Variants in MAT2A observed in about 807,000 individuals in gnomAD.
MAT2A encodes the protein methionine adenosyltransferase 2A.
Under a neutral mutation model 43.9 loss-of-function variants are expected in MAT2A, and 3 were observed. The ratio of observed to expected loss-of-function variants is 0.07; its 90% CI spans 0.03 to 0.18. The LOEUF (loss-of-function observed/expected upper bound fraction) is 0.18. MAT2A is among the 10% of genes least tolerant of loss of function. The probability of loss-of-function intolerance (pLI) is 1.00; values close to 1 mark genes in which losing one functional copy is unlikely to be tolerated. For missense variants in MAT2A, 204 were observed against 489.0 expected, an observed-to-expected ratio of 0.42 and a Z score of 5.50; for synonymous variants, 200 against 168.4, an observed-to-expected ratio of 1.19 and a Z score of -1.45.
rs1375245079 is a variant in MAT2A at position 85,539,308 on chromosome 2, C to T, written c.21C>T (p.Gly7=). Residue 7 remains glycine (G), a synonymous_variant, in exon 1 of 9, where the codon GGC becomes GGT. Coordinates refer to ENST00000306434, the MANE Select transcript of MAT2A (RefSeq NM_005911.6). ...CCAACATGAACGGACAGCTCAACGG[C>T]TTCCACGAGGCGTTCATCGAGGAGG... MNGQLN[G]FHEAFIEEGT... is the part of the protein sequence containing the mutation. The T allele has an allele frequency of 1.9e-6, 3 of 1,605,816 alleles. No individual in the cohort carries two copies. Among genetic ancestry groups the T allele is most frequent in the Admixed American group, 1.7e-5 (1 of 59,212 alleles).
In MAT2A at chr2:85,539,357, T is replaced by C; in HGVS notation, c.70T>C (p.Ser24Pro). Residue 24 changes from serine to proline, a missense_variant, in exon 1 of 9, where the codon TCG (serine) becomes CCG (proline). Transcript: ENST00000306434. Reference sequence around the variant, plus strand: ...GGGCACATTCCTTTTCACCTCAGAGTCGGTCGGGGAAGGCCACCCAGGTGA... The same window carrying C: ...GGGCACATTCCTTTTCACCTCAGAGCCGGTCGGGGAAGGCCACCCAGGTGA... The part of the protein sequence containing the change: ...EEGTFLFTSE[S>P]VGEGHPDKIC... The C allele has an allele frequency of 6.2e-7, 1 of 1,602,196 alleles. No individual in the cohort carries two copies.
At chr2:85,541,221 A>G (rs1335522611) in intron 2 of MAT2A, 34 bp from the exon 3 acceptor site, 1 of 1,613,078 alleles carries the variant, frequency 6.2e-7, no homozygotes, top group South Asian at 1.1e-5. Context: ...TTTTTATAGA[A>G]GTGATGTTTG....
Position 85,541,948 on chromosome 2 carries a change from G to GT in MAT2A, c.527dup (p.Leu176PhefsTer4). ...TACGCCGTAATGGCACTTTGCCTTGGTTACGCCCTGATTCTAAAACTCAAG... is the reference window on the plus strand; with the variant it reads ...TACGCCGTAATGGCACTTTGCCTTGGTTTACGCCCTGATTCTAAAACTCAAG... On this transcript the variant is annotated frameshift_variant, in exon 5 of 9. Transcript: ENST00000306434. LOFTEE classifies it high-confidence loss of function. The GT allele has an allele frequency of 6.2e-7, 1 of 1,614,060 alleles. No individual in the cohort carries two copies. Among genetic ancestry groups the GT allele is most frequent in the Non-Finnish European group, 8.5e-7 (1 of 1,179,910 alleles).
chr2:85,542,132 T>A, intron 5 of MAT2A, 23 bp from the exon 6 acceptor site: 2 of 1,601,508 alleles, frequency 1.2e-6, no homozygotes, highest in Non-Finnish European at 1.7e-6. Flanking sequence ...TGTGATGTTC[T>A]GATGACCTGT....
Position 85,539,195 on chromosome 2 carries a change from G to T in MAT2A, c.-93G>T, listed in dbSNP as rs1019819434. On this transcript the variant is annotated 5_prime_UTR_variant, in exon 1 of 9. Coordinates refer to ENST00000306434, the MANE Select transcript of MAT2A (RefSeq NM_005911.6). Reference sequence around the variant, plus strand: ...TCGCTCCGCGCCGCCCGCCTGCTACGAGTAGAACGCTGTCCGCAGCTTGCG... The same window carrying T: ...TCGCTCCGCGCCGCCCGCCTGCTACTAGTAGAACGCTGTCCGCAGCTTGCG... 4 of 902,794 alleles carry T rather than the reference G, an allele frequency of 4.4e-6. No homozygotes were observed. The highest frequency in any genetic ancestry group is 2.9e-5 in the East Asian group (1 of 34,046). 55.9% of individuals were successfully genotyped at this position (902,794 alleles called of 1,614,324 possible).
Position 85,545,237 on chromosome 2 carries a change from A to G in MAT2A, c.*1465A>G, listed in dbSNP as rs1364569447. The G allele has an allele frequency of 6.6e-6, 1 of 152,586 alleles. No homozygotes were observed. The highest frequency in any genetic ancestry group is 1.5e-5 in the Non-Finnish European group (1 of 68,028). 9.5% of individuals were successfully genotyped at this position (152,586 alleles called of 1,614,324 possible). On this transcript the variant is annotated 3_prime_UTR_variant, in exon 9 of 9. Coordinates refer to ENST00000306434, the MANE Select transcript of MAT2A (RefSeq NM_005911.6). ...TACGTATGTCTGGTTCTCAATTCCA[A>G]CAGTTTAATGAAGATCTAAATAAAA...
Position 85,541,843 on chromosome 2 carries a change from C to T in MAT2A, c.420C>T (p.Gly140=), listed in dbSNP as rs771274426. The change falls in exon 5 of 9, where the codon GGC becomes GGT. Residue 140 remains glycine (G), a synonymous_variant. Transcript: ENST00000306434. ...TCTTTCTTTAGGGCTTAATGTTTGG[C>T]TATGCCACTGATGAAACTGAGGAGT... is the stretch of plus-strand genomic sequence containing the variant. The part of the protein sequence containing the change: ...IGAGDQGLMF[G]YATDETEECM... 4 of 1,614,132 alleles carry T rather than the reference C, an allele frequency of 2.5e-6. No homozygotes were observed. Among genetic ancestry groups the T allele is most frequent in the Admixed American group, 3.3e-5 (2 of 60,026 alleles).
intron 1 of MAT2A, among the ~76,000 whole-genome samples, chr2:85,540,618 C>T (rs1017778447): frequency 6.6e-6 from 1 of 152,208 alleles, no homozygotes; most frequent in Non-Finnish European, 1.5e-5. Context: ...GCATCTTCTA[C>T]ACTGTTGAGC....
At position 85,542,518 on chromosome 2, in the gene MAT2A, A is replaced by G; in HGVS notation, c.769-47A>G. 2.5e-6 allele frequency: 4 copies of G among 1,570,480 alleles called. No homozygotes were observed. The Admixed American group carries it at 5.1e-5, about 20-fold the overall frequency. On this transcript the variant is annotated intron_variant, in intron 6 of 8. Transcript: ENST00000306434. ...GAATTCAGAATAGGCAACCTAATCC[A>G]CTTGGAAAGCACTAGGCGTAAAGTA...
At chr2:85,542,079 T>C in intron 5 of MAT2A, 76 bp from the exon 6 acceptor site, 1 of 1,583,240 alleles carries the variant, frequency 6.3e-7, no homozygotes, top group South Asian at 1.1e-5. Context: ...TTTTCCTATA[T>C]TGTAACTTCA....
In MAT2A at chr2:85,544,082, A is replaced by G. The variant is rs1432962922; in HGVS notation, c.*310A>G. 1.0e-5 allele frequency: 2 copies of G among 198,658 alleles called. No individual in the cohort carries two copies. Among genetic ancestry groups the G allele is most frequent in the Non-Finnish European group, 2.1e-5 (2 of 97,296 alleles). The allele number at this position is 198,658 out of a possible 1,614,324, so 12.3% of individuals were successfully genotyped here. ...ATTGAACCTTTGTGCCCTATCACCC[A>G]ACGCTCCAAAGTCATAATTGCATTG... On this transcript the variant is annotated 3_prime_UTR_variant, in exon 9 of 9. Transcript: ENST00000306434.
chr2:85,543,258 T>A, intron 8 of MAT2A: 1 of 512,016 alleles, frequency 2.0e-6, no homozygotes, highest in Non-Finnish European at 3.5e-6. Flanking sequence ...TAGAGAATGT[T>A]CCAGATTTGA....
chr2:85,539,341 C>T lies in MAT2A; in HGVS notation c.54C>T (p.Phe18=), dbSNP rs142991697. The T allele has an allele frequency of 5.6e-5, 90 of 1,606,588 alleles. No homozygotes were observed. The African/African-American group carries it at 6.2e-4, about 11-fold the overall frequency. Residue 18 remains phenylalanine, a synonymous_variant, in exon 1 of 9, where the codon TTC becomes TTT. Transcript: ENST00000306434. ...FHEAFIEEGT[F]LFTSESVGEG... is the part of the protein sequence containing the mutation. The stretch of plus-strand genomic sequence containing the variant: ...AGGCGTTCATCGAGGAGGGCACATT[C>T]CTTTTCACCTCAGAGTCGGTCGGGG...
At chr2:85,541,789 T>C (rs1364588794) in intron 4 of MAT2A, 40 bp from the exon 5 acceptor site, 1 of 1,613,900 alleles carries the variant, frequency 6.2e-7, no homozygotes, top group African/African-American at 1.3e-5. Context: ...TAACATTAAA[T>C]TCTGGAGCTT....
intron 1 of MAT2A, chr2:85,539,850 G>GA (rs1691417366): frequency 6.4e-6 from 1 of 155,672 alleles, no homozygotes; most frequent in Non-Finnish European, 1.4e-5. Context: ...GGGGAGCCGT[G>GA]AGCCTCCCCG....
chr2:85,539,279 G>A lies in MAT2A; in HGVS notation c.-9G>A, dbSNP rs768331430. On this transcript the variant is annotated 5_prime_UTR_variant, in exon 1 of 9. Coordinates refer to ENST00000306434, the MANE Select transcript of MAT2A (RefSeq NM_005911.6). Reference sequence around the variant, plus strand: ...CTTCGTAAGGCCACTTCCGCACACCGACACCAACATGAACGGACAGCTCAA... The same window carrying A: ...CTTCGTAAGGCCACTTCCGCACACCAACACCAACATGAACGGACAGCTCAA... 5.6e-6 allele frequency: 9 copies of A among 1,601,130 alleles called. No homozygotes were observed. The highest frequency in any genetic ancestry group is 7.7e-6 in the Non-Finnish European group (9 of 1,173,626).
Position 85,544,235 on chromosome 2 carries a change from T to C in MAT2A, c.*463T>C, listed in dbSNP as rs1053024782. 1 of 153,014 alleles carries C rather than the reference T, an allele frequency of 6.5e-6. No homozygotes were observed. The highest frequency in any genetic ancestry group is 2.4e-5 in the African/African-American group (1 of 41,452). 9.5% of individuals were successfully genotyped at this position (153,014 alleles called of 1,614,324 possible). A position where few individuals can be genotyped will look rare whatever the true frequency, so the allele number is the denominator to read the frequency against. ...TGAATTTGTAATGTCTTGAGCTCTATTATGAATGTGAAGCCTTCCCCTTAT... is the reference window on the plus strand; with the variant it reads ...TGAATTTGTAATGTCTTGAGCTCTACTATGAATGTGAAGCCTTCCCCTTAT... On this transcript the variant is annotated 3_prime_UTR_variant, in exon 9 of 9. Coordinates refer to ENST00000306434, the MANE Select transcript of MAT2A (RefSeq NM_005911.6).
Position 85,539,314 on chromosome 2 carries a change from C to T in MAT2A, c.27C>T (p.His9=), listed in dbSNP as rs1314260088. The T allele has an allele frequency of 3.1e-6, 5 of 1,605,920 alleles. No individual in the cohort carries two copies. The highest frequency in any genetic ancestry group is 1.7e-5 in the Admixed American group (1 of 59,228). Residue 9 remains histidine, a synonymous_variant, in exon 1 of 9, where the codon CAC becomes CAT. Transcript: ENST00000306434. ...TGAACGGACAGCTCAACGGCTTCCA[C>T]GAGGCGTTCATCGAGGAGGGCACAT... MNGQLNGF[H]EAFIEEGTFL... is the part of the protein sequence containing the mutation.
In MAT2A at chr2:85,541,823, C is replaced by T. The variant is rs1353599691; in HGVS notation, c.406-6C>T. On this transcript the variant is annotated splice_polypyrimidine_tract_variant and splice_region_variant and intron_variant, in intron 4 of 8. Coordinates refer to ENST00000306434, the MANE Select transcript of MAT2A (RefSeq NM_005911.6). ...TTGATCACATTGGTGACTTTTCTTT[C>T]TTTAGGGCTTAATGTTTGGCTATGC... The T allele has an allele frequency of 1.9e-6, 3 of 1,613,804 alleles. No homozygotes were observed. Among genetic ancestry groups the T allele is most frequent in the African/African-American group, 2.7e-5 (2 of 74,934 alleles).
Sources: allele counts gnomAD v4.1 joint callset (sites outside exome capture counted in the v4.1 genomes callset), GRCh38; gene constraint gnomAD v4.1.1; transcripts MANE v1.5; gene names NCBI Gene and HGNC (gene_info 2026-07-23, HGNC 2026-07-21).